Variants in C14orf132 observed in about 807,000 individuals in gnomAD.
The protein encoded by C14orf132 is uncharacterized protein C14orf132.
In C14orf132, 6 loss-of-function variants were observed where a neutral mutation model predicts 5.8. The ratio of observed to expected loss-of-function variants is 1.03; its 90% CI spans 0.57 to 2.04. The LOEUF (loss-of-function observed/expected upper bound fraction) is 2.04, where lower values mean the gene tolerates loss of function less well. Among genes scored for constraint, C14orf132 ranks in the 30% most tolerant of loss-of-function variants. The pLI, the probability that C14orf132 is intolerant of heterozygous loss-of-function variation, is 0.00. For missense variants in C14orf132, 125 were observed against 115.8 expected, an observed-to-expected ratio of 1.08 and a Z score of -0.37; for synonymous variants, 51 against 49.8, an observed-to-expected ratio of 1.02 and a Z score of -0.10.
intron 1 of C14orf132, chr14:96,051,124 G>A (rs751246275): frequency 1.3e-5 from 5 of 398,472 alleles, no homozygotes; most frequent in Non-Finnish European, 2.2e-5. Context: ...TACTCTACAG[G>A]TCAAGTGAGC....
chr14:96,089,827 C>A lies in C14orf132; in HGVS notation c.*3092C>A, dbSNP rs1003299442. On this transcript the variant is annotated 3_prime_UTR_variant, in exon 2 of 2. Transcript: ENST00000555004. ...AACACCCAGGAGCCCAGCAGAAGCA[C>A]CCACACGTAGAAAGAGGCTCACTAC... 1 of 152,126 alleles carries A rather than the reference C, an allele frequency of 6.6e-6. No homozygotes were observed. The highest frequency in any genetic ancestry group is 2.4e-5 in the African/African-American group (1 of 41,364). The allele number at this position is 152,126 out of a possible 1,614,324, so 9.4% of individuals were successfully genotyped here. A position where few individuals can be genotyped will look rare whatever the true frequency, so the allele number is the denominator to read the frequency against.
chr14:96,069,363 T>C (rs1250864238), intron 1 of C14orf132, among the ~76,000 whole-genome samples: 2 of 149,978 alleles, frequency 1.3e-5, no homozygotes, highest in Admixed American at 6.6e-5. Context: ...GTAGAGACTA[T>C]TGATTTCTAT....
chr14:96,046,715 T>A (rs1291899156), intron 1 of C14orf132, among the ~76,000 whole-genome samples: 1 of 152,214 alleles, frequency 6.6e-6, no homozygotes, highest in Admixed American at 6.5e-5. Context: ...AGATACTACA[T>A]GTGTATCTAA....
intron 1 of C14orf132, among the ~76,000 whole-genome samples, chr14:96,049,391 A>C (rs1352152954): frequency 1.3e-5 from 2 of 149,028 alleles, no homozygotes; most frequent in Non-Finnish European, 3.0e-5. Flanking sequence ...CCCAGGCTGG[A>C]GTGCAGTGGC....
At chr14:96,075,635 G>A (rs8020657) in intron 1 of C14orf132, among the ~76,000 whole-genome samples, 8,586 of 152,260 alleles carry the variant, frequency 0.056, 238 homozygotes, top group African/African-American at 0.076. Context: ...TTTAAATCAT[G>A]AGTGGATGTT....
chr14:96,085,551 G>A (rs1888155051), intron 1 of C14orf132, among the ~76,000 whole-genome samples: 1 of 152,230 alleles, frequency 6.6e-6, no homozygotes, highest in African/African-American at 2.4e-5. Flanking sequence ...AGGAAGTTCT[G>A]ATTCATGAAT....
chr14:96,050,973 G>A (rs181896817), intron 1 of C14orf132, among the ~76,000 whole-genome samples: 36 of 151,938 alleles, frequency 2.4e-4, no homozygotes, highest in African/African-American at 3.1e-4. Context: ...CTTTTCTCCC[G>A]TTGTGGGAAA....
chr14:96,085,988 TCA>T (rs10558318), intron 1 of C14orf132, among the ~76,000 whole-genome samples: 55,580 of 148,368 alleles, frequency 0.37, 10,439 homozygotes, highest in East Asian at 0.54. Flanking sequence ...TCTCTCTCTG[TCA>T]CACACACACA....
intron 1 of C14orf132, among the ~76,000 whole-genome samples, chr14:96,085,053 A>G (rs1429509239): frequency 6.6e-6 from 1 of 152,216 alleles, no homozygotes; most frequent in Non-Finnish European, 1.5e-5. Flanking sequence ...GCCTGGGCTC[A>G]CAGTCAGACA....
chr14:96,087,805 G>C lies in C14orf132; in HGVS notation c.*1070G>C, dbSNP rs1461980851. 1 of 152,204 alleles carries C rather than the reference G, an allele frequency of 6.6e-6. No homozygotes were observed. The highest frequency in any genetic ancestry group is 2.4e-5 in the African/African-American group (1 of 41,446). 9.4% of individuals were successfully genotyped at this position (152,204 alleles called of 1,614,324 possible). On this transcript the variant is annotated 3_prime_UTR_variant, in exon 2 of 2. Transcript: ENST00000555004. ...CGTGCATTCTCCTGAAGCTGTGAAA[G>C]TGCTTCTGCCCAAGCCACTTCCTTA... is the stretch of plus-strand genomic sequence containing the variant.
intron 1 of C14orf132, among the ~76,000 whole-genome samples, chr14:96,049,569 T>TATAC (rs1278792652): frequency 7.8e-6 from 1 of 127,470 alleles, no homozygotes; most frequent in African/African-American, 2.7e-5. Context: ...TACGTATATA[T>TATAC]ACATATATAC....
At chr14:96,050,360 C>T (rs2139648037) in intron 1 of C14orf132, among the ~76,000 whole-genome samples, 1 of 152,302 alleles carries the variant, frequency 6.6e-6, no homozygotes, top group South Asian at 2.1e-4. Flanking sequence ...AAAGGCAATG[C>T]TGTTCTGAGT....
At chr14:96,081,695 C>G (rs970157284) in intron 1 of C14orf132, among the ~76,000 whole-genome samples, 1 of 152,110 alleles carries the variant, frequency 6.6e-6, no homozygotes, top group Non-Finnish European at 1.5e-5. Context: ...ATTTCCTGGG[C>G]TCAGGCGATC....
At chr14:96,061,739 G>T (rs1232592128) in intron 1 of C14orf132, among the ~76,000 whole-genome samples, 3 of 151,790 alleles carry the variant, frequency 2.0e-5, no homozygotes, top group African/African-American at 4.8e-5. Context: ...AGACAGGGCG[G>T]GTCTCTACAA....
At chr14:96,085,315 T>G (rs34678586) in intron 1 of C14orf132, among the ~76,000 whole-genome samples, 8,346 of 152,248 alleles carry the variant, frequency 0.055, 462 homozygotes, top group East Asian at 0.3. Flanking sequence ...CAGGTTCCCT[T>G]CAAAAGAAAC....
rs963306810 is a variant in C14orf132 at position 96,090,966 on chromosome 14, G to A, written c.*4231G>A. 12 of 455,998 alleles carry A rather than the reference G, an allele frequency of 2.6e-5. No individual in the cohort carries two copies. The highest frequency in any genetic ancestry group is 2.6e-4 in the Admixed American group (11 of 42,558). 28.2% of individuals were successfully genotyped at this position (455,998 alleles called of 1,614,324 possible). ...TTATTCCCAGTTATTATTCTTACCGGTGCCAGTTTTGCACATCTTTTTGTT... is the reference window on the plus strand; with the variant it reads ...TTATTCCCAGTTATTATTCTTACCGATGCCAGTTTTGCACATCTTTTTGTT... On this transcript the variant is annotated 3_prime_UTR_variant, in exon 2 of 2. Coordinates refer to ENST00000555004, the MANE Select transcript of C14orf132 (RefSeq NM_001252507.3).
At chr14:96,041,000 C>T (rs543074398) in intron 1 of C14orf132, among the ~76,000 whole-genome samples, 4 of 152,298 alleles carry the variant, frequency 2.6e-5, no homozygotes, top group Admixed American at 2.6e-4. Flanking sequence ...GCATCAGTTG[C>T]TGCCATGGCA....
intron 1 of C14orf132, among the ~76,000 whole-genome samples, chr14:96,064,337 T>G (rs1187932319): frequency 1.4e-5 from 2 of 142,936 alleles, no homozygotes; most frequent in Admixed American, 7.1e-5. Context: ...AATCATCGAG[T>G]GGATAAAGAA....
At chr14:96,074,954 T>C (rs989679649) in intron 1 of C14orf132, among the ~76,000 whole-genome samples, 1 of 152,212 alleles carries the variant, frequency 6.6e-6, no homozygotes, top group Non-Finnish European at 1.5e-5. Context: ...TTGACAAACA[T>C]TCCTGCTGGG....
Sources: gnomAD v4.1 joint callset for allele counts (sites outside exome capture counted in the v4.1 genomes callset) on GRCh38, gnomAD v4.1.1 for gene constraint, MANE v1.5 for transcripts, NCBI Gene and HGNC (gene_info 2026-07-23, HGNC 2026-07-21) for gene names.